ZFR2: variants seen among roughly 807,000 people sequenced by gnomAD.
The protein encoded by ZFR2 is zinc finger RNA binding protein 2, also known as zinc finger RNA-binding protein 2.
In ZFR2, 104 loss-of-function variants were observed where a neutral mutation model predicts 105.7. The observed-to-expected ratio is 0.98, with a 90% CI of 0.84 to 1.16. The LOEUF is 1.16. ZFR2 is among the 50% of genes most tolerant of loss of function. The pLI is 0.00. For synonymous variants in ZFR2, 634 were observed against 597.7 expected (o/e 1.06, Z -0.89); for missense variants, 1,425 against 1,355.5 (o/e 1.05, Z -0.80).
rs186254253 is a variant in ZFR2 at position 3,828,486 on chromosome 19, G to A, written c.853-833C>T. ...GAAAATTCTGACTTCAGAATTCAACGTCAGAAACCAAGCAAGGGCACCTGC... is the reference window on the plus strand; with the variant it reads ...GAAAATTCTGACTTCAGAATTCAACATCAGAAACCAAGCAAGGGCACCTGC... On this transcript the variant is annotated intron_variant, in intron 5 of 18. Coordinates refer to ENST00000262961, the MANE Select transcript of ZFR2 (RefSeq NM_015174.2). Among the ~76,000 whole-genome samples the A allele has an allele frequency of 1.9e-3, 283 of 152,258 alleles. 1 individual carries two copies. The highest frequency in any genetic ancestry group is 6.2e-3 in the African/African-American group (256 of 41,536).
In ZFR2 at chr19:3,833,646, AC is replaced by A; in HGVS notation, c.379+17del. The A allele has an allele frequency of 6.5e-7, 1 of 1,540,272 alleles. No homozygotes were observed. Among genetic ancestry groups the A allele is most frequent in the Non-Finnish European group, 8.8e-7 (1 of 1,141,174 alleles). The stretch of plus-strand genomic sequence containing the variant: ...GAGCGTCTCCTCGTTCCCAGCCCCG[AC>A]CCTGCAGATGGCTCACCTGGCTGGC... On this transcript the variant is annotated intron_variant, in intron 3 of 18. Coordinates refer to ENST00000262961, the MANE Select transcript of ZFR2 (RefSeq NM_015174.2).
At chr19:3,845,080 G>T (rs990678464) in intron 1 of ZFR2, among the ~76,000 whole-genome samples, 1 of 152,210 alleles carries the variant, frequency 6.6e-6, no homozygotes, top group East Asian at 1.9e-4. Flanking sequence ...TCCCTCTGTG[G>T]CTTGCAGACG....
rs141499537 is a variant in ZFR2 at position 3,823,262 on chromosome 19, G to T, written c.1355C>A (p.Pro452Gln). Residue 452 changes from proline (P) to glutamine (Q), a missense_variant, in exon 8 of 19, where the codon CCG becomes CAG. Transcript: ENST00000262961. The surrounding 1 kb of genome is among the most constrained non-coding windows in gnomAD (Gnocchi z 5.4). The stretch of plus-strand genomic sequence containing the variant: ...TCGACTTACCTCCTCCACATATTCC[G>T]GGCCCACCGGCTGCGCATCAGAGCA... ...AGCSDAQPVG[P>Q]EYVEEVFSDE... 802 of 1,613,908 alleles carry T rather than the reference G, an allele frequency of 5.0e-4. 4 individuals are homozygous for T. The African/African-American group carries it at 9.6e-3, about 19-fold the overall frequency.
chr19:3,824,206 G>T (rs2037925379), intron 7 of ZFR2, among the ~76,000 whole-genome samples: 1 of 152,096 alleles, frequency 6.6e-6, no homozygotes, highest in South Asian at 2.1e-4. Context: ...AGGCTGAGCT[G>T]GGAGGATCGC....
intron 15 of ZFR2, 50 bp from the exon 16 acceptor site, chr19:3,810,895 C>T (rs772104982): frequency 1.1e-5 from 17 of 1,536,198 alleles, no homozygotes; most frequent in East Asian, 4.9e-5. Context: ...CGTGGCCACA[C>T]GGCATGGCGC....
chr19:3,832,362 A>C (rs887532198), intron 3 of ZFR2, among the ~76,000 whole-genome samples: 15 of 150,392 alleles, frequency 1.0e-4, no homozygotes, highest in Admixed American at 6.7e-5. Context: ...TTGCTTTGTC[A>C]CCAGGTTGGA....
intron 1 of ZFR2, chr19:3,855,605 C>T (rs1298759495): frequency 8.4e-6 from 4 of 477,084 alleles, no homozygotes; most frequent in Admixed American, 4.4e-5. Context: ...AATAATTCAA[C>T]GCGATCTGAT....
At chr19:3,816,523 G>T in intron 13 of ZFR2, 151 bp downstream of exon 13, 1 of 1,261,190 alleles carries the variant, frequency 7.9e-7, no homozygotes, top group Non-Finnish European at 1.0e-6. Flanking sequence ...TGGGATTACG[G>T]ACGTGAGCCA....
intron 12 of ZFR2, among the ~76,000 whole-genome samples, chr19:3,817,067 C>T (rs958108072): frequency 6.6e-6 from 1 of 152,150 alleles, no homozygotes; most frequent in Non-Finnish European, 1.5e-5. Context: ...GGGCATGCCT[C>T]GGAGTAGCCG....
At position 3,839,677 on chromosome 19, in the gene ZFR2, T is replaced by C. The variant is rs965561322; in HGVS notation, c.54-4694A>G. ...AACATAAAACCACTTAACAAACACA[T>C]ATCACTGAGATGGGTAAGTGCTAAT... On this transcript the variant is annotated intron_variant, in intron 1 of 18. Coordinates refer to ENST00000262961, the MANE Select transcript of ZFR2 (RefSeq NM_015174.2). Among the ~76,000 whole-genome samples, 10 of 149,598 alleles carry C rather than the reference T, an allele frequency of 6.7e-5. No homozygotes were observed. The Admixed American group carries it at 6.8e-4, about 10-fold the overall frequency.
intron 1 of ZFR2, chr19:3,852,649 T>C (rs1311695379): frequency 2.8e-6 from 2 of 715,252 alleles, no homozygotes; most frequent in African/African-American, 3.5e-5. Flanking sequence ...GGGAAGGGCA[T>C]GGATATAAGG....
At position 3,813,630 on chromosome 19, in the gene ZFR2, G is replaced by A. The variant is rs545352759; in HGVS notation, c.2242+190C>T. On this transcript the variant is annotated intron_variant, in intron 14 of 18. Transcript: ENST00000262961. This position sits in a 1 kb window ranked among gnomAD's most constrained non-coding sequence, Gnocchi z 4.4. Reference sequence around the variant, plus strand: ...CATCTGATGCTGTCACCGACTCGCCGCCTCTGCTGCCCGGAGACCCAGCTC... The same window carrying A: ...CATCTGATGCTGTCACCGACTCGCCACCTCTGCTGCCCGGAGACCCAGCTC... Among the ~76,000 whole-genome samples the A allele has an allele frequency of 2.0e-5, 3 of 152,298 alleles. No individual in the cohort carries two copies. The highest frequency in any genetic ancestry group is 1.9e-4 in the East Asian group (1 of 5,182).
rs367749976 is a variant in ZFR2 at position 3,831,682 on chromosome 19, G to A, written c.576C>T (p.Asn192=). The change falls in exon 4 of 19, where the codon AAC becomes AAT. Residue 192 remains asparagine (N), a synonymous_variant. Transcript: ENST00000262961. The part of the protein sequence containing the change: ...IVTSYPPPSY[N]PTCTAYTAPS... ...TACCCGTGTAGGCGGTGCAGGTGGG[G>A]TTGTAGGAGGGCGGGGGGTAGGAGG... 7.1e-5 allele frequency: 111 copies of A among 1,566,122 alleles called. 2 individuals carry two copies. In the African/African-American group the frequency reaches 1.3e-3, roughly 18 times the overall value.
At chr19:3,816,058 G>A (rs577389420) in intron 13 of ZFR2, among the ~76,000 whole-genome samples, 2 of 151,168 alleles carry the variant, frequency 1.3e-5, no homozygotes, top group Non-Finnish European at 2.9e-5. Context: ...GCTGGCCCAT[G>A]CTCAGCTAAT....
intron 1 of ZFR2, among the ~76,000 whole-genome samples, chr19:3,841,124 C>G (rs1007313667): frequency 6.6e-6 from 1 of 152,226 alleles, no homozygotes; most frequent in African/African-American, 2.4e-5. Flanking sequence ...GCGACCACGT[C>G]AGAATGCTTG....
At chr19:3,820,346 G>T in intron 10 of ZFR2, 56 bp from the exon 11 acceptor site, 6 of 1,477,604 alleles carry the variant, frequency 4.1e-6, no homozygotes, top group Non-Finnish European at 5.4e-6. Flanking sequence ...CCTAAGCTGG[G>T]GGCAAGTCAG....
intron 17 of ZFR2, 98 bp from the exon 18 acceptor site, chr19:3,807,367 C>A: frequency 2.4e-6 from 2 of 846,504 alleles, no homozygotes; most frequent in African/African-American, 1.7e-5. Context: ...CTCAGGGGCC[C>A]GTGCATGGGG....
chr19:3,827,644 C>A lies in ZFR2; in HGVS notation c.862G>T (p.Glu288Ter). 6.3e-7 allele frequency: 1 copy of A among 1,579,410 alleles called. No homozygotes were observed. Among genetic ancestry groups the A allele is most frequent in the East Asian group, 2.3e-5 (1 of 42,886 alleles). The change falls in exon 6 of 19, where the codon GAA becomes TAA. Residue 288 changes from glutamate to a stop codon, truncating the protein, a stop_gained. Coordinates refer to ENST00000262961, the MANE Select transcript of ZFR2 (RefSeq NM_015174.2). LOFTEE classifies it high-confidence loss of function. ...CTGTGCTTCTGCCCTCCCAGATGTT[C>A]CCGGTAGGTCTGCGGCAAGGGGTGA... ...ISCAGPQTYR[E>*]HLGGQKHRKK...
At position 3,840,934 on chromosome 19, in the gene ZFR2, G is replaced by A. The variant is rs141068453; in HGVS notation, c.54-5951C>T. The stretch of plus-strand genomic sequence containing the variant: ...TGGCCATGCATGGCTGGTGGTGACC[G>A]GGGGCCAGCATGGATCTAGGTCACG... On this transcript the variant is annotated intron_variant, in intron 1 of 18. Coordinates refer to ENST00000262961, the MANE Select transcript of ZFR2 (RefSeq NM_015174.2). 9.4e-4 allele frequency among the ~76,000 whole-genome samples: 143 copies of A among 152,196 alleles called. 1 individual carries two copies. The highest frequency in any genetic ancestry group is 3.4e-3 in the Middle Eastern group (1 of 294).
Sources: allele counts gnomAD v4.1 joint callset (sites outside exome capture counted in the v4.1 genomes callset), GRCh38; gene constraint gnomAD v4.1.1; non-coding constraint Gnocchi (gnomAD v3.1); transcripts MANE v1.5; gene names NCBI Gene and HGNC (gene_info 2026-07-23, HGNC 2026-07-21).